The following ZFHX3 variants were observed in gnomAD, a reference collection of about 807,000 sequenced individuals.
ZFHX3 encodes zinc finger homeobox 3.
A neutral mutation model predicts 279.1 loss-of-function variants in ZFHX3; 42 were observed. The observed-to-expected ratio is 0.15, with a 90% CI of 0.12 to 0.19. The LOEUF is 0.19. Ranked by LOEUF, ZFHX3 falls within the 10% of genes least tolerant of loss-of-function variation. ZFHX3 has a pLI of 1.00. For synonymous variants in ZFHX3, 2,293 were observed against 1,957.8 expected (o/e 1.17, Z -4.52); for missense variants, 4,981 against 4,754.0 (o/e 1.05, Z -1.40).
At position 73,416,036 on chromosome 16, in the gene ZFHX3, C is replaced by T. The variant is rs146936274; in HGVS notation, c.-1291+39967G>A. On this transcript the variant is annotated intron_variant, in intron 3 of 17. Transcript: ENST00000641206. ...TCGGGAGGCTGGGGCAGGAGAATCG[C>T]TTGAACCCGGGAGGTGGAGGTTGTG... Among the ~76,000 whole-genome samples, 1,338 of 149,428 alleles carry T rather than the reference C, an allele frequency of 9.0e-3. 19 individuals carry two copies. The highest frequency in any genetic ancestry group is 0.031 in the African/African-American group (1,269 of 40,456).
chr16:73,565,060 A>G lies in ZFHX3; in HGVS notation c.-1546-108802T>C, dbSNP rs540163884. 4.0e-4 allele frequency among the ~76,000 whole-genome samples: 61 copies of G among 152,276 alleles called. 1 individual carries two copies. The highest frequency in any genetic ancestry group is 6.0e-4 in the Non-Finnish European group (41 of 68,022). The stretch of plus-strand genomic sequence containing the variant: ...CTGAGGTCAAGAGATTGCGAAGAGC[A>G]TGGCCAACATGGTGAAACCCCATCT... On this transcript the variant is annotated intron_variant, in intron 2 of 17. Coordinates refer to the ZFHX3 transcript ENST00000641206.
At chr16:73,847,894 T>C (rs577399980) in intron 1 of ZFHX3, among the ~76,000 whole-genome samples, 10 of 147,326 alleles carry the variant, frequency 6.8e-5, no homozygotes, top group South Asian at 2.2e-4. Context: ...CGTGCCACTA[T>C]GCCTGGCTAG....
At position 73,710,205 on chromosome 16, in the gene ZFHX3, G is replaced by A. The variant is rs576449222; in HGVS notation, c.-1607-29965C>T. Among the ~76,000 whole-genome samples the A allele has an allele frequency of 1.8e-4, 28 of 152,136 alleles. 1 individual carries two copies. The highest frequency in any genetic ancestry group is 3.4e-3 in the Middle Eastern group (1 of 292). ...AAACAAAACAAAACAAAACAATTAA[G>A]AAATAAAAATTAAATAAATGAATGG... is the stretch of plus-strand genomic sequence containing the variant. On this transcript the variant is annotated intron_variant, in intron 1 of 17. Transcript: ENST00000641206.
intron 3 of ZFHX3, among the ~76,000 whole-genome samples, chr16:72,909,524 C>T (rs565436138): frequency 6.6e-6 from 1 of 151,380 alleles, no homozygotes; most frequent in African/African-American, 2.5e-5. Flanking sequence ...CTTTCTCTCA[C>T]ACACACCCTC....
At chr16:73,297,267 G>C (rs773095559) in intron 4 of ZFHX3, among the ~76,000 whole-genome samples, 3 of 151,924 alleles carry the variant, frequency 2.0e-5, no homozygotes, top group Non-Finnish European at 4.4e-5. Context: ...GCTCGCAAGT[G>C]GTGGAGCCAA....
At chr16:73,308,988 G>T (rs1339825976) in intron 4 of ZFHX3, among the ~76,000 whole-genome samples, 1 of 152,022 alleles carries the variant, frequency 6.6e-6, no homozygotes, top group Non-Finnish European at 1.5e-5. Flanking sequence ...GCTTCCTCCT[G>T]GTAGGGTTTA....
At chr16:73,060,400 G>A (rs185463568), upstream of ZFHX3, 1 of 152,208 alleles carries the variant, frequency 6.6e-6, no homozygotes, top group Non-Finnish European at 1.5e-5. Context: ...CCCTACTACT[G>A]TACCGATTCC....
chr16:73,652,466 G>A (rs947550321), intron 2 of ZFHX3, among the ~76,000 whole-genome samples: 1 of 152,088 alleles, frequency 6.6e-6, no homozygotes, highest in Non-Finnish European at 1.5e-5. Context: ...TCTCACTAAA[G>A]AAAATAAAAT....
At chr16:73,066,503 G>A (rs921833838) in intron 8 of ZFHX3, among the ~76,000 whole-genome samples, 2 of 152,224 alleles carry the variant, frequency 1.3e-5, no homozygotes, top group South Asian at 2.1e-4. Flanking sequence ...ACCGGCTGAG[G>A]CGCTTAGGCC....
At chr16:73,094,061 AC>A (rs530590894) in intron 7 of ZFHX3, among the ~76,000 whole-genome samples, 4 of 151,322 alleles carry the variant, frequency 2.6e-5, no homozygotes, top group African/African-American at 4.8e-5. Flanking sequence ...TTGAGTGTGG[AC>A]CCCCCCAACC....
intron 5 of ZFHX3, among the ~76,000 whole-genome samples, chr16:73,170,233 T>TC (rs1967490132): frequency 7.4e-6 from 1 of 134,890 alleles, no homozygotes; most frequent in Admixed American, 7.6e-5. Flanking sequence ...GTTTTTTTTT[T>TC]TTTTTTTTTT....
rs370016565 is a variant in ZFHX3, at chr16:72,787,599, C to T, written c.10677G>A (p.Thr3559=). The change falls in exon 10 of 10, where the codon ACG becomes ACA. Residue 3559 remains threonine (T), a synonymous_variant. Coordinates refer to ENST00000268489, the MANE Select transcript of ZFHX3 (RefSeq NM_006885.4). ...GCTCTTTGGCGTTTCTTGCTGCTCT[C>T]GTGATTGTTCTGTGTTTGTGCAAGG... ...ESALHKHRTI[T]RAARNAKEHP... is the part of the protein sequence containing the mutation. 2.5e-6 allele frequency: 4 copies of T among 1,613,776 alleles called. No individual in the cohort carries two copies. In the African/African-American group the frequency reaches 4.0e-5, roughly 16 times the overall value.
intron 3 of ZFHX3, among the ~76,000 whole-genome samples, chr16:73,319,414 A>C (rs1023792160): frequency 6.6e-6 from 1 of 152,058 alleles, no homozygotes; most frequent in African/African-American, 2.4e-5. Context: ...GAGAATCCAC[A>C]TCTTTAATTG....
chr16:73,234,227 G>A (rs1050602936), intron 5 of ZFHX3, among the ~76,000 whole-genome samples: 6 of 152,134 alleles, frequency 3.9e-5, no homozygotes, highest in African/African-American at 1.4e-4. Flanking sequence ...CCCATCCCTG[G>A]ACTCTGTGGC....
chr16:73,519,336 G>C (rs2019574600), intron 2 of ZFHX3, among the ~76,000 whole-genome samples: 1 of 151,678 alleles, frequency 6.6e-6, no homozygotes, highest in Non-Finnish European at 1.5e-5. Context: ...CTCTTTTTAG[G>C]ATTATTCTAT....
chr16:73,036,196 G>A (rs1391290497), intron 1 of ZFHX3, among the ~76,000 whole-genome samples: 1 of 152,216 alleles, frequency 6.6e-6, no homozygotes, highest in African/African-American at 2.4e-5. Context: ...GGAGGAAGGT[G>A]CAGGCAGCAC....
chr16:72,852,469 C>G (rs992990305), intron 4 of ZFHX3, among the ~76,000 whole-genome samples: 5 of 152,238 alleles, frequency 3.3e-5, no homozygotes, highest in Admixed American at 6.5e-5. Flanking sequence ...CTTCACATCT[C>G]TTAAGTGGAC....
At chr16:73,688,844 C>G (rs2053118372) in intron 1 of ZFHX3, among the ~76,000 whole-genome samples, 1 of 152,100 alleles carries the variant, frequency 6.6e-6, no homozygotes, top group Admixed American at 6.5e-5. Context: ...CTCATGAGAG[C>G]TGATGGTTTT....
chr16:73,319,113 G>T (rs567107267), intron 3 of ZFHX3, among the ~76,000 whole-genome samples: 112 of 151,222 alleles, frequency 7.4e-4, no homozygotes, highest in Admixed American at 3.0e-3. Context: ...GGTGTGGAAT[G>T]GGGGGGGCAG....
Sources: allele counts gnomAD v4.1 joint callset (sites outside exome capture counted in the v4.1 genomes callset), GRCh38; gene constraint gnomAD v4.1.1; transcripts MANE v1.5; gene names NCBI Gene and HGNC (gene_info 2026-07-23, HGNC 2026-07-21).